Variants in MOB3B observed in about 807,000 individuals in gnomAD.
MOB3B encodes MOB kinase activator-like 2B.
In MOB3B, 7 loss-of-function variants were observed where a neutral mutation model predicts 18.7. The ratio of observed to expected loss-of-function variants is 0.37; its 90% CI spans 0.21 to 0.70. The LOEUF (loss-of-function observed/expected upper bound fraction) is 0.70. MOB3B is among the 30% of genes least tolerant of loss of function. The pLI is 0.52. For missense variants in MOB3B, 253 were observed against 281.3 expected (o/e 0.90, Z 0.72); for synonymous variants, 111 against 99.9 (o/e 1.11, Z -0.66).
intron 1 of MOB3B, among the ~76,000 whole-genome samples, chr9:27,480,902 C>T (rs1332764748): frequency 6.6e-6 from 1 of 151,976 alleles, no homozygotes; most frequent in Non-Finnish European, 1.5e-5. Context: ...TCAATACAAG[C>T]ACTGACTCTA....
intron 2 of MOB3B, among the ~76,000 whole-genome samples, chr9:27,438,564 C>A (rs1050805373): frequency 1.3e-5 from 2 of 152,112 alleles, no homozygotes; most frequent in African/African-American, 4.8e-5. Flanking sequence ...TGTCTCCTTG[C>A]CAGTTTGTTA....
intron 1 of MOB3B, among the ~76,000 whole-genome samples, chr9:27,517,555 G>A (rs1049769774): frequency 6.8e-6 from 1 of 147,086 alleles, no homozygotes. Context: ...GGCTGAGGCA[G>A]GAGAATTGCT....
chr9:27,407,453 C>A (rs2131398341), intron 2 of MOB3B, among the ~76,000 whole-genome samples: 1 of 152,288 alleles, frequency 6.6e-6, no homozygotes, highest in Non-Finnish European at 1.5e-5. Flanking sequence ...GAAAATCTTT[C>A]ACACTCACTG....
intron 2 of MOB3B, among the ~76,000 whole-genome samples, chr9:27,397,915 C>T (rs773311888): frequency 6.6e-6 from 1 of 152,116 alleles, no homozygotes; most frequent in Non-Finnish European, 1.5e-5. Context: ...CCGTTAGATG[C>T]CAGGGGCCAA....
At chr9:27,339,500 G>A (rs151046654) in intron 3 of MOB3B, among the ~76,000 whole-genome samples, 12 of 152,354 alleles carry the variant, frequency 7.9e-5, no homozygotes, top group East Asian at 3.9e-4. Flanking sequence ...CTTGTGTTCC[G>A]AATGGAGTAG....
chr9:27,353,777 GT>G (rs2131350547), intron 3 of MOB3B, among the ~76,000 whole-genome samples: 1 of 152,244 alleles, frequency 6.6e-6, no homozygotes, highest in South Asian at 2.1e-4. Flanking sequence ...TTTGTTTTCA[GT>G]GAAAGGCCAA....
At chr9:27,403,781 T>C (rs1457818845) in intron 2 of MOB3B, among the ~76,000 whole-genome samples, 2 of 152,062 alleles carry the variant, frequency 1.3e-5, no homozygotes, top group Non-Finnish European at 2.9e-5. Flanking sequence ...GCCTGGCCTC[T>C]TTATTAAATT....
intron 1 of MOB3B, among the ~76,000 whole-genome samples, chr9:27,478,552 C>G (rs4879513): frequency 0.99 from 150,118 of 152,170 alleles, 74,077 homozygotes; most frequent in East Asian, 1. Context: ...AAGAGAATTA[C>G]CATCATGAAA....
intron 1 of MOB3B, among the ~76,000 whole-genome samples, chr9:27,462,122 A>G (rs902269553): frequency 2.0e-5 from 3 of 152,246 alleles, no homozygotes; most frequent in Non-Finnish European, 4.4e-5. Flanking sequence ...GTAAAAATAA[A>G]TAGTAAAGTA....
intron 1 of MOB3B, among the ~76,000 whole-genome samples, chr9:27,518,625 G>C (rs1327240942): frequency 6.6e-6 from 1 of 151,934 alleles, no homozygotes; most frequent in African/African-American, 2.4e-5. Context: ...TTTCTGGGTG[G>C]GAAGTTACTA....
intron 2 of MOB3B, among the ~76,000 whole-genome samples, chr9:27,368,088 C>T (rs114257648): frequency 5.7e-4 from 86 of 152,212 alleles, no homozygotes; most frequent in African/African-American, 1.9e-3. Context: ...ATCCCACACA[C>T]GTGGAAAAAG....
intron 1 of MOB3B, among the ~76,000 whole-genome samples, chr9:27,475,020 G>A (rs184426531): frequency 9.3e-4 from 142 of 152,208 alleles, no homozygotes; most frequent in African/African-American, 3.1e-3. Context: ...AAAAGGGATG[G>A]GGCACTCTTC....
rs567089964 is a variant in MOB3B at position 27,381,872 on chromosome 9, C to T, written c.419-22636G>A. 8.9e-4 allele frequency among the ~76,000 whole-genome samples: 136 copies of T among 152,198 alleles called. 3 individuals are homozygous for T. The South Asian group carries it at 0.026, about 29-fold the overall frequency. ...TGTTGCCTAGGCTGGTATCAAACTACGGGGTTCAAGCAATCCTCCAGCCTT... is the reference window on the plus strand; with the variant it reads ...TGTTGCCTAGGCTGGTATCAAACTATGGGGTTCAAGCAATCCTCCAGCCTT... On this transcript the variant is annotated intron_variant, in intron 2 of 3. Coordinates refer to ENST00000262244, the MANE Select transcript of MOB3B (RefSeq NM_024761.5).
chr9:27,483,265 T>C (rs1819688992), intron 1 of MOB3B, among the ~76,000 whole-genome samples: 1 of 151,180 alleles, frequency 6.6e-6, no homozygotes, highest in Non-Finnish European at 1.5e-5. Context: ...CCCGAGTAGC[T>C]GGGACTACAG....
At chr9:27,491,272 C>A (rs554794451) in intron 1 of MOB3B, among the ~76,000 whole-genome samples, 2 of 152,206 alleles carry the variant, frequency 1.3e-5, no homozygotes, top group South Asian at 4.1e-4. Flanking sequence ...ACAAGTTCCA[C>A]ATAAGCCAGA....
intron 2 of MOB3B, among the ~76,000 whole-genome samples, chr9:27,447,613 G>A (rs1822712637): frequency 6.6e-6 from 1 of 152,188 alleles, no homozygotes; most frequent in South Asian, 2.1e-4. Context: ...GCAGTCTTCA[G>A]GCCCTCTAAG....
intron 2 of MOB3B, among the ~76,000 whole-genome samples, chr9:27,432,616 C>A (rs953583014): frequency 1.3e-5 from 2 of 152,128 alleles, no homozygotes; most frequent in African/African-American, 4.8e-5. Flanking sequence ...CATTGACAAT[C>A]CTTTTCCATA....
intron 1 of MOB3B, among the ~76,000 whole-genome samples, chr9:27,459,304 T>C (rs181038978): frequency 1.3e-5 from 2 of 152,306 alleles, no homozygotes; most frequent in African/African-American, 4.8e-5. Flanking sequence ...CTTGTTAAAA[T>C]GCAGGTTCTG....
chr9:27,454,951 T>G (rs139057352), intron 2 of MOB3B, among the ~76,000 whole-genome samples, 182 bp downstream of exon 2: 30 of 152,186 alleles, frequency 2.0e-4, no homozygotes, highest in African/African-American at 6.3e-4. Flanking sequence ...ACAAAATAAA[T>G]GTAAGTGGTC....
Sources: allele counts gnomAD v4.1 joint callset (sites outside exome capture counted in the v4.1 genomes callset), GRCh38; gene constraint gnomAD v4.1.1; transcripts MANE v1.5; gene names NCBI Gene and HGNC (gene_info 2026-07-23, HGNC 2026-07-21).